The following MCTP1 variants were observed in gnomAD, a reference collection of about 807,000 sequenced individuals.
MCTP1 encodes the protein multiple C2 and transmembrane domain-containing protein 1.
Under a neutral mutation model 120.6 loss-of-function variants are expected in MCTP1, and 69 were observed. That is an observed-to-expected ratio of 0.57 (90% CI 0.47 to 0.70). The LOEUF (loss-of-function observed/expected upper bound fraction) is 0.70. Among genes scored for constraint, MCTP1 ranks in the 30% least tolerant of loss-of-function variants. The probability of loss-of-function intolerance (pLI) is 0.00; values close to 1 mark genes in which losing one functional copy is unlikely to be tolerated. For synonymous variants in MCTP1, 529 were observed against 493.1 expected, an observed-to-expected ratio of 1.07 and a Z score of -0.96; for missense variants, 1,203 against 1,248.8, an observed-to-expected ratio of 0.96 and a Z score of 0.55.
intron 1 of MCTP1, among the ~76,000 whole-genome samples, chr5:95,102,822 T>C (rs1397158769): frequency 6.6e-6 from 1 of 152,204 alleles, no homozygotes; most frequent in Non-Finnish European, 1.5e-5. Context: ...AGTAACTAGA[T>C]GAAGTGGCAA....
chr5:95,022,507 A>T lies in MCTP1; in HGVS notation c.721-5023T>A, dbSNP rs537687705. ...GTCATATTTGTCATTTTAAATTATG[A>T]ACCTTTAAAATCATGGAATAGAGTA... On this transcript the variant is annotated intron_variant, in intron 1 of 22. Coordinates refer to ENST00000515393, the MANE Select transcript of MCTP1 (RefSeq NM_024717.7). 8.5e-5 allele frequency among the ~76,000 whole-genome samples: 13 copies of T among 152,306 alleles called. No homozygotes were observed. In the South Asian group the frequency reaches 2.7e-3, roughly 32 times the overall value.
chr5:95,079,512 T>C (rs1453975621), intron 1 of MCTP1, among the ~76,000 whole-genome samples: 1 of 152,152 alleles, frequency 6.6e-6, no homozygotes, highest in Non-Finnish European at 1.5e-5. Context: ...AAAAGATATA[T>C]GCCTATTAAT....
At chr5:95,238,881 G>A (rs1341049520) in intron 1 of MCTP1, among the ~76,000 whole-genome samples, 1 of 152,088 alleles carries the variant, frequency 6.6e-6, no homozygotes, top group Non-Finnish European at 1.5e-5. Flanking sequence ...ATCTAACTCA[G>A]CACAAGCCTT....
rs1183229618 is a variant in MCTP1 at position 95,119,131 on chromosome 5, T to C, written c.721-101647A>G. ...TCATTCTCAAAGACAGACCATATGT[T>C]AGGTCACAAAACAAGTCTTAAAACA... On this transcript the variant is annotated intron_variant, in intron 1 of 22. Transcript: ENST00000515393. Among the ~76,000 whole-genome samples, 12 of 152,344 alleles carry C rather than the reference T, an allele frequency of 7.9e-5. No individual in the cohort carries two copies. The East Asian group carries it at 2.3e-3, about 29-fold the overall frequency.
At chr5:94,716,586 A>T (rs1384597567) in intron 19 of MCTP1, among the ~76,000 whole-genome samples, 2 of 152,176 alleles carry the variant, frequency 1.3e-5, no homozygotes. Flanking sequence ...ATAAATATTT[A>T]ACCACATACA....
chr5:94,746,825 T>C (rs1037598831), intron 19 of MCTP1, among the ~76,000 whole-genome samples: 2 of 152,210 alleles, frequency 1.3e-5, no homozygotes, highest in African/African-American at 2.4e-5. Flanking sequence ...CTCCACAACC[T>C]GGTCCCAACC....
At chr5:94,937,855 C>T (rs1816592389) in intron 5 of MCTP1, among the ~76,000 whole-genome samples, 1 of 152,022 alleles carries the variant, frequency 6.6e-6, no homozygotes, top group Non-Finnish European at 1.5e-5. Context: ...GCTGCTATAT[C>T]ATCCCAATCT....
intron 11 of MCTP1, 69 bp from the exon 12 acceptor site, chr5:94,889,041 A>C (rs1316998303): frequency 9.8e-7 from 1 of 1,024,902 alleles, no homozygotes; most frequent in East Asian, 2.4e-5. Context: ...TGCTGAGAAA[A>C]CATTACATTT....
At chr5:95,062,782 GAACTGATCTCTGT>G (rs2152118418) in intron 1 of MCTP1, among the ~76,000 whole-genome samples, 1 of 148,790 alleles carries the variant, frequency 6.7e-6, no homozygotes, top group East Asian at 2.0e-4. Context: ...CTGGGTCCAG[GAACTGATCTCTGT>G]TTTATTGTTT....
At chr5:94,867,417 A>T in intron 17 of MCTP1, 2 of 1,141,260 alleles carry the variant, frequency 1.8e-6, no homozygotes, top group Non-Finnish European at 2.5e-6. Context: ...TACTAAACAG[A>T]TGTGCATACA....
At chr5:94,981,822 A>C (rs1829476275) in intron 2 of MCTP1, among the ~76,000 whole-genome samples, 2 of 152,172 alleles carry the variant, frequency 1.3e-5, no homozygotes, top group Admixed American at 1.3e-4. Flanking sequence ...CTAGAAAGTG[A>C]ATGAAAGGAG....
chr5:95,044,624 C>T (rs1025397759), intron 1 of MCTP1, among the ~76,000 whole-genome samples: 2 of 152,054 alleles, frequency 1.3e-5, no homozygotes, highest in African/African-American at 4.8e-5. Context: ...TTTGCCCCCA[C>T]ATCTGTTTCC....
chr5:94,719,008 A>G (rs1275529804), intron 19 of MCTP1, among the ~76,000 whole-genome samples: 1 of 152,250 alleles, frequency 6.6e-6, no homozygotes, highest in Non-Finnish European at 1.5e-5. Flanking sequence ...GGCGTGAGCC[A>G]CTGTGCACAG....
At chr5:94,977,429 T>C (rs529502514) in intron 2 of MCTP1, among the ~76,000 whole-genome samples, 1 of 151,962 alleles carries the variant, frequency 6.6e-6, no homozygotes, top group African/African-American at 2.4e-5. Flanking sequence ...GAAATCTCTA[T>C]CAAATTCCAA....
At chr5:94,821,198 A>G (rs1359559808) in intron 17 of MCTP1, among the ~76,000 whole-genome samples, 1 of 152,202 alleles carries the variant, frequency 6.6e-6, no homozygotes, top group Non-Finnish European at 1.5e-5. Context: ...GTGAAACACA[A>G]AACTGTATTT....
chr5:95,254,932 A>G (rs1447528628), intron 1 of MCTP1, among the ~76,000 whole-genome samples: 1 of 152,220 alleles, frequency 6.6e-6, no homozygotes, highest in Non-Finnish European at 1.5e-5. Flanking sequence ...GAGTCATGAA[A>G]TCAATAAAAT....
chr5:94,810,848 T>C (rs1783261634), intron 17 of MCTP1, among the ~76,000 whole-genome samples: 1 of 152,226 alleles, frequency 6.6e-6, no homozygotes, highest in Admixed American at 6.5e-5. Context: ...TTGCAGTTAT[T>C]GTTGATTATT....
chr5:95,068,742 C>G, intron 1 of MCTP1: 1 of 1,193,762 alleles, frequency 8.4e-7, no homozygotes, highest in Non-Finnish European at 1.1e-6. Context: ...AATTAAACAC[C>G]GAGCTAACAC....
intron 18 of MCTP1, chr5:94,784,738 A>G (rs1319435531): frequency 6.6e-6 from 1 of 152,002 alleles, no homozygotes; most frequent in Non-Finnish European, 1.5e-5. Context: ...ACTAGATGTA[A>G]TAATAATTAG....
Sources: gnomAD v4.1 joint callset for allele counts (sites outside exome capture counted in the v4.1 genomes callset) on GRCh38, gnomAD v4.1.1 for gene constraint, MANE v1.5 for transcripts, NCBI Gene and HGNC (gene_info 2026-07-23, HGNC 2026-07-21) for gene names.